Variants in CRB1 observed in about 807,000 individuals in gnomAD.
CRB1 encodes the protein protein crumbs homolog 1.
Under a neutral mutation model 120.0 loss-of-function variants are expected in CRB1, and 83 were observed. The observed-to-expected ratio is 0.69, with a 90% CI of 0.58 to 0.83. CRB1 has a LOEUF of 0.83. CRB1 is among the 40% of genes least tolerant of loss of function. The pLI, the probability that CRB1 is intolerant of heterozygous loss-of-function variation, is 0.00. For missense variants in CRB1, 1,699 were observed against 1,687.6 expected (o/e 1.01, Z -0.12); for synonymous variants, 625 against 612.5 (o/e 1.02, Z -0.30).
intron 2 of CRB1, among the ~76,000 whole-genome samples, chr1:197,334,372 T>C (rs1659027439): frequency 6.6e-6 from 1 of 152,228 alleles, no homozygotes; most frequent in Admixed American, 6.5e-5. Context: ...AATACTCATG[T>C]GTTGGAGACA....
chr1:197,317,562 G>A (rs1657928345), intron 1 of CRB1, among the ~76,000 whole-genome samples: 1 of 152,016 alleles, frequency 6.6e-6, no homozygotes, highest in South Asian at 2.1e-4. Context: ...AAAATAACAC[G>A]GTTGGATACA....
In CRB1 at chr1:197,377,329, C is replaced by A. The variant is rs138975140; in HGVS notation, c.1171+20316C>A. Among the ~76,000 whole-genome samples, 633 of 152,232 alleles carry A rather than the reference C, an allele frequency of 4.2e-3. 1 individual carries two copies. Among genetic ancestry groups the A allele is most frequent in the Non-Finnish European group, 6.2e-3 (419 of 68,018 alleles). On this transcript the variant is annotated intron_variant, in intron 5 of 11. Coordinates refer to ENST00000367400, the MANE Select transcript of CRB1 (RefSeq NM_201253.3). Reference sequence around the variant, plus strand: ...CTCCAGGACCTAGCACAGTGCCTAGCCCATAACAGGAGGCCCAACCAATAT... The same window carrying A: ...CTCCAGGACCTAGCACAGTGCCTAGACCATAACAGGAGGCCCAACCAATAT...
chr1:197,290,950 A>G (rs1449872652), intron 1 of CRB1, among the ~76,000 whole-genome samples: 2 of 151,852 alleles, frequency 1.3e-5, no homozygotes, highest in Non-Finnish European at 2.9e-5. Flanking sequence ...TAATCAAGAA[A>G]GAATTTTTCT....
intron 4 of CRB1, among the ~76,000 whole-genome samples, chr1:197,348,774 C>A (rs894653305): frequency 5.9e-5 from 9 of 152,082 alleles, no homozygotes; most frequent in Non-Finnish European, 1.0e-4. Context: ...CTGCGCCTGG[C>A]CCATAAAGAA....
intron 1 of CRB1, among the ~76,000 whole-genome samples, chr1:197,285,129 C>A (rs1027846887): frequency 6.6e-6 from 1 of 151,834 alleles, no homozygotes. Context: ...ACATGAAAGT[C>A]CCCTTGATTA....
the CRB1 span, among the ~76,000 whole-genome samples, chr1:197,254,754 G>A: frequency 6.6e-6 from 1 of 152,106 alleles, no homozygotes; most frequent in Non-Finnish European, 1.5e-5. Context: ...ATATATGCCA[G>A]TAAGCTAATC....
At chr1:197,357,130 G>A (rs1216585070) in intron 5 of CRB1, 117 bp downstream of exon 5, 1 of 1,021,864 alleles carries the variant, frequency 9.8e-7, no homozygotes, top group Non-Finnish European at 1.5e-6. Context: ...TGCTGCTGTG[G>A]TGCAAAGGGT....
At chr1:197,207,782 A>C in the CRB1 span, among the ~76,000 whole-genome samples, 1 of 151,570 alleles carries the variant, frequency 6.6e-6, no homozygotes, top group African/African-American at 2.4e-5. Flanking sequence ...AACTGGGGAA[A>C]TTTTTTTTCG....
At chr1:197,464,767 A>G (rs1380533918) in intron 11 of CRB1, among the ~76,000 whole-genome samples, 1 of 152,204 alleles carries the variant, frequency 6.6e-6, no homozygotes, top group East Asian at 1.9e-4. Context: ...ATATTTTGAG[A>G]GTATGAATAG....
chr1:197,415,629 CTT>C (rs1663945069), intron 5 of CRB1, among the ~76,000 whole-genome samples: 4 of 126,724 alleles, frequency 3.2e-5, no homozygotes, highest in South Asian at 2.5e-4. Context: ...TTTTCTTTTT[CTT>C]TTTTCTTTTC....
intron 5 of CRB1, among the ~76,000 whole-genome samples, chr1:197,363,116 G>T: frequency 7.0e-6 from 1 of 143,552 alleles, no homozygotes; most frequent in Non-Finnish European, 1.5e-5. Flanking sequence ...TGAAGTATAG[G>T]AATTTCACTT....
At chr1:197,210,357 T>C in the CRB1 span, among the ~76,000 whole-genome samples, 1 of 152,144 alleles carries the variant, frequency 6.6e-6, no homozygotes, top group Non-Finnish European at 1.5e-5. Flanking sequence ...GTAGGCCTCA[T>C]TCAATCAGTT....
the CRB1 span, among the ~76,000 whole-genome samples, chr1:197,209,512 A>AT: frequency 6.6e-6 from 1 of 151,644 alleles, no homozygotes; most frequent in African/African-American, 2.4e-5. Flanking sequence ...TGCCTGGCTA[A>AT]TTTTTTTGTA....
chr1:197,475,918 T>G (rs1227478161), intron 11 of CRB1, among the ~76,000 whole-genome samples: 1 of 152,196 alleles, frequency 6.6e-6, no homozygotes, highest in Non-Finnish European at 1.5e-5. Flanking sequence ...TTTGTTTTTG[T>G]TTTTGTTTTG....
rs559728221 is a variant in CRB1 at position 197,299,205 on chromosome 1, T to C, written c.71-29217T>C. ...AATGGAAATGAGACATGAAGAACTA[T>C]TTCACAGAAGAGGAAGCACGAATGG... On this transcript the variant is annotated intron_variant, in intron 1 of 11. Transcript: ENST00000367400. Among the ~76,000 whole-genome samples the C allele has an allele frequency of 3.9e-5, 6 of 152,216 alleles. No individual in the cohort carries two copies. The South Asian group carries it at 8.3e-4, about 21-fold the overall frequency.
At chr1:197,383,860 G>C (rs940610117) in intron 5 of CRB1, among the ~76,000 whole-genome samples, 1 of 152,114 alleles carries the variant, frequency 6.6e-6, no homozygotes, top group African/African-American at 2.4e-5. Flanking sequence ...ACTACCACAA[G>C]TCCTTTGGGC....
chr1:197,475,953 A>G (rs149362208), intron 11 of CRB1, among the ~76,000 whole-genome samples: 172 of 152,170 alleles, frequency 1.1e-3, no homozygotes, highest in African/African-American at 3.7e-3. Flanking sequence ...TCTATCACCC[A>G]GGGTGGAGTG....
chr1:197,342,626 TC>T (rs1659535263), intron 2 of CRB1, among the ~76,000 whole-genome samples: 1 of 152,184 alleles, frequency 6.6e-6, no homozygotes, highest in Admixed American at 6.5e-5. Context: ...TATTTTATAC[TC>T]CCAGTAATGT....
chr1:197,246,556 A>G, the CRB1 span, among the ~76,000 whole-genome samples: 1 of 152,014 alleles, frequency 6.6e-6, no homozygotes, highest in Non-Finnish European at 1.5e-5. Flanking sequence ...ATTGCATATA[A>G]AATGTCCAAG....
Sources: gnomAD v4.1 joint callset for allele counts (sites outside exome capture counted in the v4.1 genomes callset) on GRCh38, gnomAD v4.1.1 for gene constraint, MANE v1.5 for transcripts, NCBI Gene and HGNC (gene_info 2026-07-23, HGNC 2026-07-21) for gene names.